PTGES3: variants seen among roughly 807,000 people sequenced by gnomAD.
PTGES3 encodes Hsp90 co-chaperone.
PTGES3 carries 5 observed loss-of-function variants against 29.9 expected under a neutral mutation model. That is an observed-to-expected ratio of 0.17 (90% CI 0.09 to 0.35). PTGES3 has a LOEUF of 0.35. Ranked by LOEUF, PTGES3 falls within the 10% of genes least tolerant of loss-of-function variation. The pLI is 1.00. For missense variants in PTGES3, 128 were observed against 190.0 expected (o/e 0.67, Z 1.92); for synonymous variants, 49 against 57.8 (o/e 0.85, Z 0.69).
chr12:56,675,709 T>TC (rs1326232483), intron 1 of PTGES3, among the ~76,000 whole-genome samples: 1 of 151,826 alleles, frequency 6.6e-6, no homozygotes, highest in Non-Finnish European at 1.5e-5. Context: ...TCACCTAAGG[T>TC]CAGGAGTTCA....
chr12:56,676,139 G>GGAGGT (rs1565869116), intron 1 of PTGES3, among the ~76,000 whole-genome samples: 238 of 133,534 alleles, frequency 1.8e-3, no homozygotes, highest in African/African-American at 4.0e-3. Context: ...GAGGGGGAGG[G>GGAGGT]GGAGGGGGAG....
intron 1 of PTGES3, among the ~76,000 whole-genome samples, chr12:56,679,864 G>A (rs1331765861): frequency 2.0e-5 from 3 of 151,984 alleles, no homozygotes; most frequent in East Asian, 1.9e-4. Context: ...TAGTAGAGAC[G>A]AGGTGTCATC....
At chr12:56,687,358 G>A in intron 1 of PTGES3, 2 of 988,062 alleles carry the variant, frequency 2.0e-6, no homozygotes, top group Non-Finnish European at 2.4e-6. Flanking sequence ...AAGCGGCTGA[G>A]TTTTGGCAAC....
At chr12:56,677,652 CCATT>C (rs1195159364) in intron 1 of PTGES3, among the ~76,000 whole-genome samples, 8 of 151,778 alleles carry the variant, frequency 5.3e-5, no homozygotes, top group Non-Finnish European at 1.0e-4. Flanking sequence ...TCCTTGTTCC[CCATT>C]ATTATTATTA....
intron 1 of PTGES3, among the ~76,000 whole-genome samples, chr12:56,683,526 C>T (rs1346615313): frequency 1.4e-5 from 2 of 144,840 alleles, no homozygotes; most frequent in Non-Finnish European, 3.0e-5. Context: ...CGGCAGGCAC[C>T]TGGAATCCCA....
intron 1 of PTGES3, among the ~76,000 whole-genome samples, chr12:56,683,087 C>G (rs1259441762): frequency 6.6e-6 from 1 of 151,968 alleles, no homozygotes; most frequent in Non-Finnish European, 1.5e-5. Context: ...CAGTAGCTCA[C>G]GCCTGTAATC....
In PTGES3 at chr12:56,674,509, G is replaced by A. The variant is rs138214445; in HGVS notation, c.3-1444C>T. On this transcript the variant is annotated intron_variant, in intron 1 of 7. Coordinates refer to ENST00000262033, the MANE Select transcript of PTGES3 (RefSeq NM_006601.7). ...AATTCGAGACCAGCCTGACCAACAC[G>A]GAGAAACTCGTCTCTGCTAAAATTA... Among the ~76,000 whole-genome samples, 430 of 151,720 alleles carry A rather than the reference G, an allele frequency of 2.8e-3. 2 individuals carry two copies. Among genetic ancestry groups the A allele is most frequent in the Non-Finnish European group, 3.6e-3 (246 of 67,932 alleles).
intron 1 of PTGES3, among the ~76,000 whole-genome samples, chr12:56,680,251 A>G (rs1194076605): frequency 6.6e-6 from 1 of 151,534 alleles, no homozygotes; most frequent in Non-Finnish European, 1.5e-5. Flanking sequence ...ATGTTTTCAC[A>G]TTTTTAGTAG....
intron 1 of PTGES3, among the ~76,000 whole-genome samples, chr12:56,680,377 A>C (rs1592273656): frequency 6.8e-6 from 1 of 146,840 alleles, no homozygotes; most frequent in Non-Finnish European, 1.5e-5. Context: ...ACCCAACCCA[A>C]TTTTCTTTCT....
intron 6 of PTGES3, chr12:56,665,190 A>G (rs79325448): frequency 1.0e-3 from 1,010 of 985,318 alleles, no homozygotes; most frequent in Non-Finnish European, 1.1e-3. Context: ...GCATTAAATA[A>G]CTTTCTGGGA....
At chr12:56,684,207 T>C (rs932846270) in intron 1 of PTGES3, among the ~76,000 whole-genome samples, 6 of 152,138 alleles carry the variant, frequency 3.9e-5, no homozygotes, top group African/African-American at 1.4e-4. Flanking sequence ...CCAAAAATGA[T>C]AGCTTGTAGA....
At chr12:56,682,873 A>G (rs1269157140) in intron 1 of PTGES3, among the ~76,000 whole-genome samples, 1 of 152,114 alleles carries the variant, frequency 6.6e-6, no homozygotes, top group African/African-American at 2.4e-5. Context: ...ACATGCCTGT[A>G]GTCCCAGCTA....
At chr12:56,670,525 T>G in intron 4 of PTGES3, 161 bp from the exon 5 acceptor site, 1 of 591,180 alleles carries the variant, frequency 1.7e-6, no homozygotes, top group Non-Finnish European at 3.0e-6. Context: ...TATTGATCAA[T>G]ATGTGAGTTT....
At chr12:56,671,302 G>A (rs1951994662) in intron 4 of PTGES3, among the ~76,000 whole-genome samples, 1 of 152,118 alleles carries the variant, frequency 6.6e-6, no homozygotes, top group Non-Finnish European at 1.5e-5. Flanking sequence ...GGGGACTGAG[G>A]AGGGAGGATC....
In PTGES3 at chr12:56,671,623, G is replaced by T. The variant is rs1248359010; in HGVS notation, c.285+126C>A. On this transcript the variant is annotated intron_variant, in intron 4 of 7. Transcript: ENST00000262033. ...TTAAAACTGAGTAGACAAAAAACAT[G>T]AACATGAGGCTTTATACTTAGCTGT... 3 of 484,072 alleles carry T rather than the reference G, an allele frequency of 6.2e-6. No individual in the cohort carries two copies. In the South Asian group the frequency reaches 1.6e-4, roughly 26 times the overall value. The allele number at this position is 484,072 out of a possible 1,614,324, so 30.0% of individuals were successfully genotyped here. A position where few individuals can be genotyped will look rare whatever the true frequency, so the allele number is the denominator to read the frequency against.
chr12:56,672,646 G>A, intron 3 of PTGES3, 94 bp downstream of exon 3: 1 of 1,356,582 alleles, frequency 7.4e-7, no homozygotes. Flanking sequence ...TCACTGTTAA[G>A]AAAAACAGAA....
intron 1 of PTGES3, among the ~76,000 whole-genome samples, chr12:56,675,648 G>A (rs1296146554): frequency 6.6e-6 from 1 of 152,004 alleles, no homozygotes; most frequent in African/African-American, 2.4e-5. Flanking sequence ...GGCCGAGTGC[G>A]GTGGCTCACG....
chr12:56,664,226 A>C lies in PTGES3; in HGVS notation c.*253T>G, dbSNP rs534916980. Reference sequence around the variant, plus strand: ...GCTGCATTAATTGCCTAGGACCTCAACAGCTTCATGAAAGTCTGGGAAATG... The same window carrying C: ...GCTGCATTAATTGCCTAGGACCTCACCAGCTTCATGAAAGTCTGGGAAATG... On this transcript the variant is annotated 3_prime_UTR_variant, in exon 8 of 8. Coordinates refer to ENST00000262033, the MANE Select transcript of PTGES3 (RefSeq NM_006601.7). 103 of 384,018 alleles carry C rather than the reference A, an allele frequency of 2.7e-4. No homozygotes were observed. Among genetic ancestry groups the C allele is most frequent in the Admixed American group, 3.9e-4 (8 of 20,396 alleles). 23.8% of individuals were successfully genotyped at this position (384,018 alleles called of 1,614,324 possible). A position where few individuals can be genotyped will look rare whatever the true frequency, so the allele number is the denominator to read the frequency against.
At chr12:56,683,035 G>A (rs1359265429) in intron 1 of PTGES3, among the ~76,000 whole-genome samples, 3 of 151,858 alleles carry the variant, frequency 2.0e-5, no homozygotes, top group South Asian at 2.1e-4. Flanking sequence ...CGAGGAAGCA[G>A]GGAAGCAGCC....
Sources: gnomAD v4.1 joint callset for allele counts (sites outside exome capture counted in the v4.1 genomes callset) on GRCh38, gnomAD v4.1.1 for gene constraint, MANE v1.5 for transcripts, NCBI Gene and HGNC (gene_info 2026-07-23, HGNC 2026-07-21) for gene names.